Variants in PCDH17 observed in about 807,000 individuals in gnomAD.
The protein encoded by PCDH17 is protocadherin-17.
In PCDH17, 21 loss-of-function variants were observed where a neutral mutation model predicts 67.7. That is an observed-to-expected ratio of 0.31 (90% CI 0.22 to 0.45). PCDH17 has a LOEUF of 0.45. Among genes scored for constraint, PCDH17 ranks in the 20% least tolerant of loss-of-function variants. The pLI, the probability that PCDH17 is intolerant of heterozygous loss-of-function variation, is 1.00. For missense variants in PCDH17, 1,471 were observed against 1,564.8 expected, an observed-to-expected ratio of 0.94 and a Z score of 1.01; for synonymous variants, 701 against 656.7, an observed-to-expected ratio of 1.07 and a Z score of -1.03.
upstream of PCDH17, among the ~76,000 whole-genome samples, chr13:57,630,194 C>A (rs960481390): frequency 2.0e-5 from 3 of 152,140 alleles, no homozygotes; most frequent in South Asian, 6.2e-4. Context: ...AGACGCTACT[C>A]CAACTGTTGA....
At chr13:57,645,684 T>C (rs1040089037) in intron 1 of PCDH17, among the ~76,000 whole-genome samples, 1 of 150,964 alleles carries the variant, frequency 6.6e-6, no homozygotes, top group African/African-American at 2.4e-5. Context: ...TTATATTATA[T>C]ATAATTGTAT....
intron 3 of PCDH17, among the ~76,000 whole-genome samples, chr13:57,712,296 A>G (rs946330367): frequency 1.3e-5 from 2 of 151,714 alleles, no homozygotes; most frequent in Admixed American, 6.6e-5. Flanking sequence ...CTTAAATTCA[A>G]GCTTTTTTCT....
intron 1 of PCDH17, among the ~76,000 whole-genome samples, chr13:57,665,905 A>G (rs1433676575): frequency 7.2e-5 from 11 of 152,162 alleles, no homozygotes; most frequent in Admixed American, 3.9e-4. Flanking sequence ...CATAATTTCC[A>G]TAGTTGGGTT....
At chr13:57,706,353 GT>G (rs1300593730) in intron 3 of PCDH17, among the ~76,000 whole-genome samples, 3 of 151,978 alleles carry the variant, frequency 2.0e-5, no homozygotes, top group Non-Finnish European at 2.9e-5. Flanking sequence ...TTTCAGTCTT[GT>G]TTTATCTTTC....
At position 57,634,591 on chromosome 13, in the gene PCDH17, G is replaced by A. The variant is rs755830689; in HGVS notation, c.2045G>A (p.Arg682His). 2.5e-6 allele frequency: 4 copies of A among 1,613,356 alleles called. No homozygotes were observed. The highest frequency in any genetic ancestry group is 1.1e-5 in the South Asian group (1 of 91,080). The change falls in exon 1 of 4, where the codon CGC becomes CAC. Residue 682 changes from arginine (R) to histidine (H), a missense_variant. Arg to His is a conservative substitution (Grantham distance 29). Coordinates refer to ENST00000377918, the MANE Select transcript of PCDH17 (RefSeq NM_001040429.3). The surrounding 1 kb of genome is among the most constrained non-coding windows in gnomAD (Gnocchi z 7.8). The stretch of plus-strand genomic sequence containing the variant: ...TCCGCAGTGGCCAAGCTCATCATCC[G>A]CTCGGTGAGCGGATCCCTTCCCGAG... ...TLSAVAKLIIRSVSGSLPEGV... is the reference protein window; with the variant it reads ...TLSAVAKLIIHSVSGSLPEGV...
chr13:57,725,118 G>C lies in PCDH17; in HGVS notation c.3304G>C (p.Asp1102His), dbSNP rs768467747. The C allele has an allele frequency of 3.7e-6, 6 of 1,614,188 alleles. No individual in the cohort carries two copies. The East Asian group carries it at 1.3e-4, about 36-fold the overall frequency. ...ASDQMARVFA[D>H]VHSRASRDSS... is the part of the protein sequence containing the mutation. ...CGATCAGATGGCAAGGGTCTTTGCAGATGTGCATTCCAGAGCCAGCCGGGA... is the reference window on the plus strand; with the variant it reads ...CGATCAGATGGCAAGGGTCTTTGCACATGTGCATTCCAGAGCCAGCCGGGA... Residue 1102 changes from aspartate (D) to histidine (H), a missense_variant, in exon 4 of 4, where the codon GAT becomes CAT. This residue lies in a region of PCDH17 where 297 missense variants were observed against 298.6 expected (regional missense o/e 0.99). Transcript: ENST00000377918.
chr13:57,699,801 A>G (rs1210421052), intron 3 of PCDH17, among the ~76,000 whole-genome samples: 7 of 152,026 alleles, frequency 4.6e-5, no homozygotes, highest in Admixed American at 4.6e-4. Flanking sequence ...ATATACAACT[A>G]TTTTAAAATT....
chr13:57,719,271 A>G (rs188913133), intron 3 of PCDH17, among the ~76,000 whole-genome samples: 2 of 152,180 alleles, frequency 1.3e-5, no homozygotes, highest in Admixed American at 6.6e-5. Flanking sequence ...CACAATTTCT[A>G]TTTACATCTG....
intron 1 of PCDH17, among the ~76,000 whole-genome samples, chr13:57,650,218 TTGTGTGTGTGTG>T (rs67398023): frequency 1.2e-4 from 17 of 137,562 alleles, no homozygotes; most frequent in South Asian, 5.2e-4. Context: ...GGACCCTTGA[TTGTGTGTGTGTG>T]TGTGTGTGTG....
At chr13:57,659,129 G>GTGTGTGTGTA (rs1189435548) in intron 1 of PCDH17, among the ~76,000 whole-genome samples, 1 of 145,330 alleles carries the variant, frequency 6.9e-6, no homozygotes, top group Admixed American at 6.7e-5. Flanking sequence ...GTGTGTGTGT[G>GTGTGTGTGTA]TGTATACACA....
intron 1 of PCDH17, among the ~76,000 whole-genome samples, chr13:57,637,487 A>T (rs1389939700): frequency 6.6e-6 from 1 of 151,826 alleles, no homozygotes; most frequent in Non-Finnish European, 1.5e-5. Context: ...CTAAAGTGAC[A>T]TGCTTAAATT....
chr13:57,686,456 C>A (rs1955508951), intron 3 of PCDH17, among the ~76,000 whole-genome samples: 1 of 151,848 alleles, frequency 6.6e-6, no homozygotes, highest in African/African-American at 2.4e-5. Context: ...TTTGCAATGA[C>A]TCTACAAACA....
chr13:57,647,314 A>G (rs1954976634), intron 1 of PCDH17, among the ~76,000 whole-genome samples: 1 of 151,768 alleles, frequency 6.6e-6, no homozygotes. Context: ...AAGGAAATAA[A>G]TTATTATTTA....
chr13:57,702,829 T>C (rs1388357182), intron 3 of PCDH17, among the ~76,000 whole-genome samples: 1 of 152,146 alleles, frequency 6.6e-6, no homozygotes, highest in Non-Finnish European at 1.5e-5. Context: ...TCTGAACTGC[T>C]GCGACAATGA....
At position 57,633,285 on chromosome 13, in the gene PCDH17, T is replaced by A; in HGVS notation, c.739T>A (p.Ser247Thr). ...CAACAGCCCGGTCTTCGAGGCGCCATCCTACTTGGTGGAACTGCCCGAGAA... is the reference window on the plus strand; with the variant it reads ...CAACAGCCCGGTCTTCGAGGCGCCAACCTACTTGGTGGAACTGCCCGAGAA... ...NDNSPVFEAP[S>T]YLVELPENAP... The change falls in exon 1 of 4, where the codon TCC becomes ACC. Residue 247 changes from serine to threonine, a missense_variant. Physicochemically the swap from Ser to Thr is moderately conservative, Grantham distance 58 (BLOSUM62 1). This residue lies in a region of PCDH17 where 1,163 missense variants were observed against 1,230.0 expected (regional missense o/e 0.95). Transcript: ENST00000377918. This position sits in a 1 kb window ranked among gnomAD's most constrained non-coding sequence, Gnocchi z 6.2. The A allele has an allele frequency of 6.2e-7, 1 of 1,613,264 alleles. No homozygotes were observed. The highest frequency in any genetic ancestry group is 8.5e-7 in the Non-Finnish European group (1 of 1,179,994).
At chr13:57,693,704 A>G (rs74079930) in intron 3 of PCDH17, among the ~76,000 whole-genome samples, 2,602 of 151,000 alleles carry the variant, frequency 0.017, 69 homozygotes, top group African/African-American at 0.059. Context: ...ATTATTACAC[A>G]GCATTTCAGT....
At chr13:57,696,974 T>C (rs926578655) in intron 3 of PCDH17, among the ~76,000 whole-genome samples, 1 of 151,650 alleles carries the variant, frequency 6.6e-6, no homozygotes, top group African/African-American at 2.4e-5. Flanking sequence ...TTGTTTTAAA[T>C]AATTCTTAAT....
chr13:57,683,367 G>T (rs1955475534), intron 3 of PCDH17, among the ~76,000 whole-genome samples: 1 of 151,814 alleles, frequency 6.6e-6, no homozygotes, highest in Admixed American at 6.6e-5. Context: ...GGAAACAAAT[G>T]ATTTAATAGA....
At chr13:57,712,806 AAAT>A (rs1363613796) in intron 3 of PCDH17, among the ~76,000 whole-genome samples, 2 of 151,656 alleles carry the variant, frequency 1.3e-5, no homozygotes, top group Non-Finnish European at 3.0e-5. Flanking sequence ...AAAAGTCTGA[AAAT>A]AAAATAATTG....
Sources: gnomAD v4.1 joint callset for allele counts (sites outside exome capture counted in the v4.1 genomes callset) on GRCh38, gnomAD v4.1.1 for gene constraint, gnomAD v4.1.1 regional missense constraint, Gnocchi (gnomAD v3.1) non-coding constraint, MANE v1.5 for transcripts, NCBI Gene and HGNC (gene_info 2026-07-23, HGNC 2026-07-21) for gene names.